The following BDKRB2 variants were observed in gnomAD, a reference collection of about 807,000 sequenced individuals.
The protein encoded by BDKRB2 is B2 bradykinin receptor.
Under a neutral mutation model 4.0 loss-of-function variants are expected in BDKRB2, and 6 were observed. The observed-to-expected ratio is 1.49, with a 90% CI of 0.81 to 2.93. The LOEUF is 2.93. Ranked by LOEUF, BDKRB2 falls within the 30% of genes most tolerant of loss-of-function variation. The pLI, the probability that BDKRB2 is intolerant of heterozygous loss-of-function variation, is 0.00. For missense variants in BDKRB2, 478 were observed against 520.1 expected, an observed-to-expected ratio of 0.92 and a Z score of 0.79; for synonymous variants, 225 against 215.3, an observed-to-expected ratio of 1.05 and a Z score of -0.40.
intron 1 of BDKRB2, among the ~76,000 whole-genome samples, chr14:96,221,780 G>T (rs777505589): frequency 1.2e-4 from 18 of 152,018 alleles, no homozygotes; most frequent in Admixed American, 2.6e-4. Flanking sequence ...GAAAGAAGGG[G>T]CCAAGGTCAC....
chr14:96,236,682 G>A (rs1049803883), intron 1 of BDKRB2, among the ~76,000 whole-genome samples: 5 of 152,072 alleles, frequency 3.3e-5, no homozygotes, highest in East Asian at 1.9e-4. Flanking sequence ...CACACCAAGC[G>A]CCTTCCTGAC....
chr14:96,216,054 A>G (rs1047404779), intron 1 of BDKRB2, among the ~76,000 whole-genome samples: 5 of 152,210 alleles, frequency 3.3e-5, no homozygotes, highest in African/African-American at 1.2e-4. Flanking sequence ...CAAGCAGAGC[A>G]TCTGGGAGGA....
Position 96,240,521 on chromosome 14 carries a change from TG to T in BDKRB2, c.196del (p.Val66CysfsTer8). The T allele has an allele frequency of 6.3e-7, 1 of 1,580,634 alleles. No individual in the cohort carries two copies. On this transcript the variant is annotated frameshift_variant, in exon 3 of 3. Coordinates refer to ENST00000554311, the MANE Select transcript of BDKRB2 (RefSeq NM_001379692.1). LOFTEE classifies it low-confidence loss of function (END_TRUNC). ...CAACACCATCCAGCCCCCCTTCCTC[TG>T]GGTGCTGTTCGTGCTGGCCACCCTA... Reference protein sequence around the residue: ...WLNTIQPPFLWVLFVLATLEN... With the variant: ...WLNTIQPPFLXVLFVLATLEN...
Position 96,241,258 on chromosome 14 carries a change from C to T in BDKRB2, c.930C>T (p.Ile310=), listed in dbSNP as rs758430539. The change falls in exon 3 of 3, where the codon ATC becomes ATT. Residue 310 remains isoleucine (I), a synonymous_variant. Transcript: ENST00000554311. ...ILSSCQDERI[I]DVITQIASFM... is the part of the protein sequence containing the mutation. ...CCAGCTGCCAGGACGAGCGCATCAT[C>T]GATGTAATCACACAGATCGCCTCCT... 3.3e-5 allele frequency: 54 copies of T among 1,613,512 alleles called. No homozygotes were observed. The East Asian group carries it at 4.0e-4, about 12-fold the overall frequency.
At chr14:96,211,751 G>A (rs761414414) in intron 1 of BDKRB2, among the ~76,000 whole-genome samples, 8 of 152,116 alleles carry the variant, frequency 5.3e-5, no homozygotes, top group Non-Finnish European at 1.0e-4. Flanking sequence ...GTGACCTAGG[G>A]CAAGAGATGT....
chr14:96,210,803 A>G (rs1668084837), intron 1 of BDKRB2: 1 of 152,216 alleles, frequency 6.6e-6, no homozygotes, highest in African/African-American at 2.4e-5. Context: ...TACAGTACTC[A>G]AGGACTTGCT....
chr14:96,218,129 C>T lies in BDKRB2; in HGVS notation c.-40+13170C>T, dbSNP rs945135959. Among the ~76,000 whole-genome samples, 114 of 152,180 alleles carry T rather than the reference C, an allele frequency of 7.5e-4. 3 individuals carry two copies. Among genetic ancestry groups the T allele is most frequent in the African/African-American group, 2.4e-3 (101 of 41,468 alleles). On this transcript the variant is annotated intron_variant, in intron 1 of 2. Transcript: ENST00000554311. ...GGCATGAGCTGTCGAGTGCAGTGCC[C>T]GCTGCCACTAAGGAATGAGTGCCAC...
chr14:96,240,133 G>C (rs1885234202), intron 2 of BDKRB2: 3 of 1,182,860 alleles, frequency 2.5e-6, no homozygotes, highest in Non-Finnish European at 3.1e-6. Context: ...TGTTAGTGCT[G>C]TTGGTGGATA....
chr14:96,214,999 T>C (rs902998550), intron 1 of BDKRB2, among the ~76,000 whole-genome samples: 1 of 152,172 alleles, frequency 6.6e-6, no homozygotes, highest in African/African-American at 2.4e-5. Context: ...TGGCTGATTA[T>C]CTTTTTTACG....
In BDKRB2 at chr14:96,241,282, C is replaced by T. The variant is rs774951250; in HGVS notation, c.954C>T (p.Ser318=). ...TCGATGTAATCACACAGATCGCCTCCTTCATGGCCTACAGCAACAGCTGCC... is the reference window on the plus strand; with the variant it reads ...TCGATGTAATCACACAGATCGCCTCTTTCATGGCCTACAGCAACAGCTGCC... ...RIIDVITQIA[S]FMAYSNSCLN... Residue 318 remains serine, a synonymous_variant, in exon 3 of 3, where the codon TCC becomes TCT. Coordinates refer to ENST00000554311, the MANE Select transcript of BDKRB2 (RefSeq NM_001379692.1). 4.3e-6 allele frequency: 7 copies of T among 1,614,076 alleles called. No homozygotes were observed. The Admixed American group carries it at 1.0e-4, about 23-fold the overall frequency.
At chr14:96,238,453 G>A (rs933870359) in intron 2 of BDKRB2, 23 of 984,810 alleles carry the variant, frequency 2.3e-5, no homozygotes, top group Non-Finnish European at 2.8e-5. Flanking sequence ...AATTCGGGGG[G>A]CATATGAAAG....
At chr14:96,234,346 T>C (rs8021425) in intron 1 of BDKRB2, among the ~76,000 whole-genome samples, 130,157 of 152,098 alleles carry the variant, frequency 0.86, 56,161 homozygotes, top group African/African-American at 0.96. Flanking sequence ...CTGCTCCAGG[T>C]CTGGCCAGCA....
At chr14:96,218,148 G>T (rs527264064) in intron 1 of BDKRB2, among the ~76,000 whole-genome samples, 2 of 152,264 alleles carry the variant, frequency 1.3e-5, no homozygotes, top group East Asian at 3.9e-4. Flanking sequence ...TAAGGAATGA[G>T]TGCCACTCTG....
intron 1 of BDKRB2, among the ~76,000 whole-genome samples, chr14:96,236,427 C>T (rs1816803163): frequency 6.6e-6 from 1 of 152,158 alleles, no homozygotes; most frequent in Admixed American, 6.5e-5. Flanking sequence ...TCCTCTAAAT[C>T]AGCCCCCCAT....
rs1216017511 is a variant in BDKRB2 at position 96,239,223 on chromosome 14, T to C, written c.75-1180T>C. 4 of 983,954 alleles carry C rather than the reference T, an allele frequency of 4.1e-6. No individual in the cohort carries two copies. The East Asian group carries it at 3.4e-4, about 84-fold the overall frequency. 61.0% of individuals were successfully genotyped at this position (983,954 alleles called of 1,614,324 possible). A position where few individuals can be genotyped will look rare whatever the true frequency, so the allele number is the denominator to read the frequency against. On this transcript the variant is annotated intron_variant, in intron 2 of 2. Transcript: ENST00000554311. ...GCCCTCTGGGTTGTGCTTTGGACTTTTCAGTGTGTCTTCGCATCCACTCTT... is the reference window on the plus strand; with the variant it reads ...GCCCTCTGGGTTGTGCTTTGGACTTCTCAGTGTGTCTTCGCATCCACTCTT...
intron 1 of BDKRB2, among the ~76,000 whole-genome samples, chr14:96,207,642 A>G (rs932423788): frequency 6.6e-6 from 1 of 152,168 alleles, no homozygotes; most frequent in Non-Finnish European, 1.5e-5. Context: ...AGGTTCATCA[A>G]TTACAACAAA....
At chr14:96,236,795 C>G (rs1890944488) in intron 1 of BDKRB2, among the ~76,000 whole-genome samples, 1 of 152,216 alleles carries the variant, frequency 6.6e-6, no homozygotes, top group Non-Finnish European at 1.5e-5. Context: ...CGTTTGGGAC[C>G]CCATGTTCTA....
intron 1 of BDKRB2, chr14:96,233,315 T>A (rs922669770): frequency 1.3e-5 from 2 of 152,508 alleles, no homozygotes; most frequent in African/African-American, 4.8e-5. Context: ...GTCACAGGCA[T>A]GAACCACTGT....
At chr14:96,228,346 C>T (rs975642816) in intron 1 of BDKRB2, among the ~76,000 whole-genome samples, 4 of 152,200 alleles carry the variant, frequency 2.6e-5, no homozygotes, top group Non-Finnish European at 4.4e-5. Context: ...GCCTTTTACA[C>T]CCTGCCCTCT....
Sources: allele counts gnomAD v4.1 joint callset (sites outside exome capture counted in the v4.1 genomes callset), GRCh38; gene constraint gnomAD v4.1.1; transcripts MANE v1.5; gene names NCBI Gene and HGNC (gene_info 2026-07-23, HGNC 2026-07-21).